Variants in PPFIA2 observed in about 807,000 individuals in gnomAD.
PPFIA2 encodes the protein PPFI scaffold protein A2, also known as liprin-alpha-2.
PPFIA2 carries 46 observed loss-of-function variants against 175.5 expected under a neutral mutation model. That is an observed-to-expected ratio of 0.26 (90% CI 0.21 to 0.34). The LOEUF (loss-of-function observed/expected upper bound fraction) is 0.34. PPFIA2 is among the 10% of genes least tolerant of loss of function. The probability of loss-of-function intolerance (pLI) is 1.00; values close to 1 mark genes in which losing one functional copy is unlikely to be tolerated. For synonymous variants in PPFIA2, 568 were observed against 511.4 expected (o/e 1.11, Z -1.49); for missense variants, 1,179 against 1,506.1 (o/e 0.78, Z 3.60).
chr12:81,689,830 T>C (rs1326805208), intron 3 of PPFIA2, among the ~76,000 whole-genome samples: 1 of 152,132 alleles, frequency 6.6e-6, no homozygotes, highest in Non-Finnish European at 1.5e-5. Flanking sequence ...AGCATTCAAA[T>C]GAGCCACACC....
intron 4 of PPFIA2, among the ~76,000 whole-genome samples, chr12:81,571,711 A>G (rs889607794): frequency 1.3e-5 from 2 of 152,272 alleles, no homozygotes; most frequent in Middle Eastern, 3.4e-3. Flanking sequence ...TATAACCTTG[A>G]AATAATTATA....
At chr12:81,279,584 T>C (rs1565883046) in intron 27 of PPFIA2, among the ~76,000 whole-genome samples, 1 of 152,230 alleles carries the variant, frequency 6.6e-6, no homozygotes, top group African/African-American at 2.4e-5. Flanking sequence ...TACAGTCAGG[T>C]ACTACTTGCT....
At chr12:81,615,580 C>T (rs1008825830) in intron 4 of PPFIA2, among the ~76,000 whole-genome samples, 5 of 151,958 alleles carry the variant, frequency 3.3e-5, no homozygotes, top group Admixed American at 2.6e-4. Flanking sequence ...AAATTGCTCA[C>T]GTTAATCCAG....
At chr12:81,600,133 G>A (rs563200912) in intron 4 of PPFIA2, among the ~76,000 whole-genome samples, 8 of 151,906 alleles carry the variant, frequency 5.3e-5, no homozygotes, top group Non-Finnish European at 1.2e-4. Flanking sequence ...CGGAAATTAA[G>A]CTTGGCCCCT....
chr12:81,700,254 T>A (rs1232496756), intron 3 of PPFIA2, among the ~76,000 whole-genome samples: 2 of 152,106 alleles, frequency 1.3e-5, no homozygotes, highest in African/African-American at 4.8e-5. Context: ...CTTCTAGTGT[T>A]TATTTTCACT....
chr12:81,362,628 G>T, intron 15 of PPFIA2, 65 bp downstream of exon 15: 2 of 1,124,662 alleles, frequency 1.8e-6, no homozygotes, highest in South Asian at 1.4e-5. Flanking sequence ...GAGGACATAT[G>T]AAACCATAAG....
chr12:81,666,403 C>T (rs565956725), intron 4 of PPFIA2, among the ~76,000 whole-genome samples: 8 of 152,152 alleles, frequency 5.3e-5, no homozygotes, highest in African/African-American at 1.9e-4. Flanking sequence ...AAATGTGGCA[C>T]ATATACACCA....
intron 3 of PPFIA2, among the ~76,000 whole-genome samples, chr12:81,751,056 T>C (rs995055243): frequency 2.0e-5 from 3 of 152,070 alleles, no homozygotes; most frequent in East Asian, 1.9e-4. Flanking sequence ...CAATAGCAAT[T>C]GATGAAGAAT....
intron 5 of PPFIA2, among the ~76,000 whole-genome samples, chr12:81,451,653 A>G (rs1216168756): frequency 6.6e-6 from 1 of 152,196 alleles, no homozygotes; most frequent in Non-Finnish European, 1.5e-5. Flanking sequence ...GTTTTTATTA[A>G]TATAAACAGA....
At chr12:81,478,769 G>A (rs1436737004) in intron 4 of PPFIA2, among the ~76,000 whole-genome samples, 4 of 152,164 alleles carry the variant, frequency 2.6e-5, no homozygotes, top group Admixed American at 6.6e-5. Flanking sequence ...TAATTGCACT[G>A]TGGTCTGAGA....
At chr12:81,588,671 C>G (rs1378415086) in intron 4 of PPFIA2, among the ~76,000 whole-genome samples, 1 of 152,038 alleles carries the variant, frequency 6.6e-6, no homozygotes, top group African/African-American at 2.4e-5. Context: ...TTATAATATT[C>G]AGCAACTTTA....
chr12:81,732,919 AAC>A (rs1225776383), intron 3 of PPFIA2, among the ~76,000 whole-genome samples: 7 of 151,502 alleles, frequency 4.6e-5, no homozygotes, highest in Admixed American at 4.0e-4. Context: ...CCCAAAATTA[AAC>A]ACAGTCAATA....
intron 4 of PPFIA2, among the ~76,000 whole-genome samples, chr12:81,546,982 T>A (rs1318473): frequency 0.11 from 17,399 of 152,028 alleles, 1,222 homozygotes; most frequent in Middle Eastern, 0.18. Flanking sequence ...CAGTTCCTAA[T>A]CATGCCCTAA....
intron 7 of PPFIA2, among the ~76,000 whole-genome samples, chr12:81,436,445 C>T (rs2049058548): frequency 6.7e-6 from 1 of 149,842 alleles, no homozygotes; most frequent in Non-Finnish European, 1.5e-5. Flanking sequence ...TAAACTTTTT[C>T]ATGAAAATTT....
chr12:81,594,742 A>G (rs1054479848), intron 4 of PPFIA2, among the ~76,000 whole-genome samples: 9 of 151,906 alleles, frequency 5.9e-5, no homozygotes, highest in African/African-American at 1.9e-4. Context: ...TGAGACTTCC[A>G]TCTATACAGA....
intron 19 of PPFIA2, among the ~76,000 whole-genome samples, chr12:81,342,486 A>G (rs2058288690): frequency 6.6e-6 from 1 of 152,104 alleles, no homozygotes; most frequent in African/African-American, 2.4e-5. Flanking sequence ...GAACTTCATG[A>G]AATTGTCAGG....
chr12:81,674,409 A>G (rs532934883), intron 4 of PPFIA2, among the ~76,000 whole-genome samples: 2 of 152,036 alleles, frequency 1.3e-5, no homozygotes, highest in Non-Finnish European at 2.9e-5. Context: ...TTTTAGAGAA[A>G]GGAAAAAATA....
chr12:81,540,735 A>G (rs181376197), intron 4 of PPFIA2, among the ~76,000 whole-genome samples: 1 of 152,198 alleles, frequency 6.6e-6, no homozygotes, highest in East Asian at 1.9e-4. Context: ...TTAAGTATCT[A>G]TACTCAAATA....
intron 4 of PPFIA2, among the ~76,000 whole-genome samples, chr12:81,458,523 T>C (rs2053979553): frequency 6.6e-6 from 1 of 152,136 alleles, no homozygotes; most frequent in Admixed American, 6.6e-5. Flanking sequence ...GGAGCTCAAA[T>C]GGTATTTATT....
Sources: gnomAD v4.1 joint callset for allele counts (sites outside exome capture counted in the v4.1 genomes callset) on GRCh38, gnomAD v4.1.1 for gene constraint, MANE v1.5 for transcripts, NCBI Gene and HGNC (gene_info 2026-07-23, HGNC 2026-07-21) for gene names.